The following DPP10 variants were observed in gnomAD, a reference collection of about 807,000 sequenced individuals.
DPP10 encodes inactive dipeptidyl peptidase 10.
A neutral mutation model predicts 120.9 loss-of-function variants in DPP10; 33 were observed. The ratio of observed to expected loss-of-function variants is 0.27; its 90% confidence interval spans 0.21 to 0.37. The LOEUF (loss-of-function observed/expected upper bound fraction) is 0.37, where lower values mean the gene tolerates loss of function less well. Among genes scored for constraint, DPP10 ranks in the 10% least tolerant of loss-of-function variants. The pLI is 1.00. For missense variants in DPP10, 816 were observed against 942.8 expected, an observed-to-expected ratio of 0.87 and a Z score of 1.76; for synonymous variants, 337 against 326.1, an observed-to-expected ratio of 1.03 and a Z score of -0.36.
chr2:115,762,791 G>A (rs1680272172), intron 12 of DPP10, among the ~76,000 whole-genome samples, 181 bp downstream of exon 12: 2 of 152,176 alleles, frequency 1.3e-5, no homozygotes, highest in South Asian at 2.1e-4. Context: ...TTTGTGAAAA[G>A]GTTACTTCCA....
At position 115,790,370 on chromosome 2, in the gene DPP10, C is replaced by T. The variant is rs543095664; in HGVS notation, c.1532-711C>T. On this transcript the variant is annotated intron_variant, in intron 17 of 25. Coordinates refer to ENST00000410059, the MANE Select transcript of DPP10 (RefSeq NM_020868.6). ...CTGGGATTACAGGCGTGAGCCACCG[C>T]GCCCGGCCTAGAAGGCTATTTTTGT... 8.3e-4 allele frequency among the ~76,000 whole-genome samples: 127 copies of T among 152,198 alleles called. 1 individual carries two copies. The highest frequency in any genetic ancestry group is 3.0e-3 in the African/African-American group (126 of 41,540).
At chr2:115,348,705 T>G (rs536237913) in intron 3 of DPP10, among the ~76,000 whole-genome samples, 21 of 152,106 alleles carry the variant, frequency 1.4e-4, no homozygotes, top group Non-Finnish European at 2.4e-4. Flanking sequence ...AAATTATCAT[T>G]TGATAAAAAA....
At chr2:114,958,554 G>A (rs576791314) in intron 1 of DPP10, among the ~76,000 whole-genome samples, 2 of 152,242 alleles carry the variant, frequency 1.3e-5, no homozygotes, top group South Asian at 2.1e-4. Flanking sequence ...AAGTTGATAA[G>A]CATGTGAGGT....
At chr2:115,501,329 CAG>C (rs1471046678) in intron 4 of DPP10, among the ~76,000 whole-genome samples, 2 of 151,994 alleles carry the variant, frequency 1.3e-5, no homozygotes, top group Non-Finnish European at 2.9e-5. Flanking sequence ...CCAAAACAAA[CAG>C]AACTTTTAGA....
At chr2:114,745,685 A>G (rs913095708) in intron 1 of DPP10, among the ~76,000 whole-genome samples, 2 of 152,240 alleles carry the variant, frequency 1.3e-5, no homozygotes, top group Admixed American at 6.5e-5. Flanking sequence ...CCGTCTGTTT[A>G]TAGAGTCACG....
intron 3 of DPP10, among the ~76,000 whole-genome samples, chr2:115,478,378 T>C (rs1391679810): frequency 6.6e-6 from 1 of 152,180 alleles, no homozygotes; most frequent in Non-Finnish European, 1.5e-5. Flanking sequence ...AATGGGATTG[T>C]TAACTAAAAT....
chr2:115,632,333 T>C (rs965185835), intron 5 of DPP10, among the ~76,000 whole-genome samples: 7 of 152,154 alleles, frequency 4.6e-5, no homozygotes, highest in Non-Finnish European at 8.8e-5. Context: ...TGCAGCACAC[T>C]GATGGGTCTT....
At chr2:115,196,134 G>A (rs1243805599) in intron 1 of DPP10, among the ~76,000 whole-genome samples, 2 of 152,064 alleles carry the variant, frequency 1.3e-5, no homozygotes, top group Non-Finnish European at 2.9e-5. Context: ...TGGACAATCC[G>A]TCAAGCCCAG....
intron 3 of DPP10, among the ~76,000 whole-genome samples, chr2:115,489,261 A>G (rs562652439): frequency 6.6e-6 from 1 of 151,902 alleles, no homozygotes; most frequent in South Asian, 2.1e-4. Context: ...GTTCTTAGAA[A>G]GCCAGATTAG....
chr2:114,641,046 A>C (rs1162990863), intron 1 of DPP10, among the ~76,000 whole-genome samples: 1 of 151,986 alleles, frequency 6.6e-6, no homozygotes, highest in Non-Finnish European at 1.5e-5. Context: ...TGAAACATAT[A>C]GCAAGCACCT....
intron 1 of DPP10, among the ~76,000 whole-genome samples, chr2:114,498,162 A>AT (rs1682844950): frequency 6.6e-6 from 1 of 152,188 alleles, no homozygotes; most frequent in Non-Finnish European, 1.5e-5. Context: ...ACTACCTATC[A>AT]TTTTTTATGG....
intron 1 of DPP10, among the ~76,000 whole-genome samples, chr2:114,456,449 A>C (rs1401506630): frequency 6.6e-6 from 1 of 152,186 alleles, no homozygotes; most frequent in Non-Finnish European, 1.5e-5. Context: ...CAGGGTAAGA[A>C]TATTAACAAT....
intron 13 of DPP10, among the ~76,000 whole-genome samples, chr2:115,768,936 A>G (rs1681121949): frequency 2.0e-5 from 3 of 151,986 alleles, no homozygotes; most frequent in East Asian, 1.9e-4. Flanking sequence ...GTTGTAAAAT[A>G]TAATCTATGT....
At chr2:115,551,130 G>C (rs566063640) in intron 5 of DPP10, among the ~76,000 whole-genome samples, 1 of 151,952 alleles carries the variant, frequency 6.6e-6, no homozygotes, top group Non-Finnish European at 1.5e-5. Flanking sequence ...GGTAACCTTA[G>C]CACTCACAAT....
At chr2:114,793,100 G>A (rs1683391452) in intron 1 of DPP10, among the ~76,000 whole-genome samples, 1 of 151,338 alleles carries the variant, frequency 6.6e-6, no homozygotes, top group Non-Finnish European at 1.5e-5. Context: ...CCCCTCCAAG[G>A]CAGTTCCCAT....
At chr2:114,464,327 G>T (rs969474364) in intron 1 of DPP10, among the ~76,000 whole-genome samples, 1 of 152,124 alleles carries the variant, frequency 6.6e-6, no homozygotes, top group Admixed American at 6.5e-5. Flanking sequence ...GTTTTAATTT[G>T]CAGTTCTCTA....
At chr2:114,594,678 C>T (rs958242583) in intron 1 of DPP10, among the ~76,000 whole-genome samples, 2 of 151,452 alleles carry the variant, frequency 1.3e-5, no homozygotes, top group Non-Finnish European at 2.9e-5. Flanking sequence ...ACAAATCTGA[C>T]TGCAAAAAGA....
intron 1 of DPP10, among the ~76,000 whole-genome samples, chr2:115,101,649 A>T (rs2048697002): frequency 6.6e-6 from 1 of 152,202 alleles, no homozygotes; most frequent in South Asian, 2.1e-4. Context: ...AGTGTGAAAC[A>T]TGCTGTCTTT....
chr2:114,573,090 C>G (rs991347473), intron 1 of DPP10, among the ~76,000 whole-genome samples: 11 of 152,110 alleles, frequency 7.2e-5, no homozygotes, highest in Non-Finnish European at 4.4e-5. Flanking sequence ...TCTAATGATC[C>G]TCCCACCTCA....
Sources: allele counts gnomAD v4.1 joint callset (sites outside exome capture counted in the v4.1 genomes callset), GRCh38; gene constraint gnomAD v4.1.1; transcripts MANE v1.5; gene names NCBI Gene and HGNC (gene_info 2026-07-23, HGNC 2026-07-21).